The following PNPLA7 variants were observed in gnomAD, a reference collection of about 807,000 sequenced individuals.
PNPLA7 encodes the protein patatin-like phospholipase domain-containing protein 7.
Under a neutral mutation model 161.7 loss-of-function variants are expected in PNPLA7, and 153 were observed. The observed-to-expected ratio is 0.95, with a 90% CI of 0.83 to 1.08. PNPLA7 has a LOEUF of 1.08. Ranked by LOEUF, PNPLA7 falls within the 50% of genes least tolerant of loss-of-function variation. The pLI, the probability that PNPLA7 is intolerant of heterozygous loss-of-function variation, is 0.00. For synonymous variants in PNPLA7, 809 were observed against 782.1 expected (o/e 1.03, Z -0.57); for missense variants, 1,739 against 1,856.6 (o/e 0.94, Z 1.16).
At chr9:137,510,693 C>T (rs746390182) in intron 12 of PNPLA7, among the ~76,000 whole-genome samples, 2 of 152,180 alleles carry the variant, frequency 1.3e-5, no homozygotes, top group East Asian at 3.9e-4. Context: ...ATCTCTTTGT[C>T]TTGTGTCTTT....
chr9:137,496,537 C>T (rs1272764558), intron 18 of PNPLA7, among the ~76,000 whole-genome samples: 1 of 151,922 alleles, frequency 6.6e-6, no homozygotes, highest in Non-Finnish European at 1.5e-5. Flanking sequence ...CATGGAGAAA[C>T]CCCATCTCTA....
chr9:137,476,001 A>G lies in PNPLA7; in HGVS notation c.2882+2033T>C, dbSNP rs1831931591. On this transcript the variant is annotated intron_variant, in intron 25 of 34. Coordinates refer to ENST00000406427, the MANE Select transcript of PNPLA7 (RefSeq NM_001098537.3). The surrounding 1 kb of genome is among the most constrained non-coding windows in gnomAD (Gnocchi z 4.5). ...TGAGGAATAAACCAATAAAGAAGACATGAAATTACAGGAAATGGAATTGAA... is the reference window on the plus strand; with the variant it reads ...TGAGGAATAAACCAATAAAGAAGACGTGAAATTACAGGAAATGGAATTGAA... Among the ~76,000 whole-genome samples, 1 of 152,256 alleles carries G rather than the reference A, an allele frequency of 6.6e-6. No individual in the cohort carries two copies. The highest frequency in any genetic ancestry group is 1.5e-5 in the Non-Finnish European group (1 of 68,042).
At chr9:137,532,542 C>T (rs1259718952) in intron 8 of PNPLA7, among the ~76,000 whole-genome samples, 3 of 152,186 alleles carry the variant, frequency 2.0e-5, no homozygotes, top group African/African-American at 7.2e-5. Flanking sequence ...AGGATAAAGA[C>T]AAAAGCTAAG....
Position 137,522,407 on chromosome 9 carries a change from G to A in PNPLA7, c.876+322C>T, listed in dbSNP as rs907322573. On this transcript the variant is annotated intron_variant, in intron 9 of 34. Transcript: ENST00000406427. ...GGGTTTCACCGTGTGAGCCAGGATG[G>A]TCTCGATCTCCTGACCTCGTGATCC... 3.3e-5 allele frequency among the ~76,000 whole-genome samples: 5 copies of A among 151,308 alleles called. No homozygotes were observed. The East Asian group carries it at 7.9e-4, about 24-fold the overall frequency.
intron 12 of PNPLA7, among the ~76,000 whole-genome samples, chr9:137,509,991 G>A (rs1485266262): frequency 6.6e-6 from 1 of 152,178 alleles, no homozygotes; most frequent in South Asian, 2.1e-4. Context: ...TACAGAGATA[G>A]GAGCTGAGGG....
intron 12 of PNPLA7, 48 bp downstream of exon 12, chr9:137,515,331 C>T (rs758181324): frequency 1.9e-5 from 30 of 1,577,498 alleles, no homozygotes; most frequent in Middle Eastern, 1.7e-4. Context: ...TCTCAGATGC[C>T]GAGGGCCTGT....
intron 8 of PNPLA7, among the ~76,000 whole-genome samples, chr9:137,529,298 C>G (rs1165587378): frequency 6.6e-6 from 1 of 152,106 alleles, no homozygotes; most frequent in Non-Finnish European, 1.5e-5. Flanking sequence ...CCCAGGCCAA[C>G]CTTCTGTTTT....
In PNPLA7 at chr9:137,547,270, C is replaced by A. The variant is rs940198574; in HGVS notation, c.193+39G>T. ...ACATCCCAAGACACCCACGCTTTCC[C>A]CCAACCCCCCGGGCCAGAGTCGGAA... On this transcript the variant is annotated intron_variant, in intron 3 of 34. Transcript: ENST00000406427. This position sits in a 1 kb window ranked among gnomAD's most constrained non-coding sequence, Gnocchi z 4.6. 6.3e-7 allele frequency: 1 copy of A among 1,597,940 alleles called. No individual in the cohort carries two copies. Among genetic ancestry groups the A allele is most frequent in the Non-Finnish European group, 8.6e-7 (1 of 1,166,156 alleles).
rs1171162024 is a variant in PNPLA7, at chr9:137,460,666, G to C, written c.3913C>G (p.Gln1305Glu). ...DVPRDAYADFQSTSAQQGSDL... is the reference protein window; with the variant it reads ...DVPRDAYADFESTSAQQGSDL... Reference sequence around the variant, plus strand: ...GAGCCCTGCTGGGCTGAGGTGCTCTGGAAGTCTGCGTATGCATCCCTGGGG... The same window carrying C: ...GAGCCCTGCTGGGCTGAGGTGCTCTCGAAGTCTGCGTATGCATCCCTGGGG... The change falls in exon 34 of 35, where the codon CAG becomes GAG. Residue 1305 changes from glutamine to glutamate, a missense_variant. Gln to Glu is a conservative substitution (Grantham distance 29). Around this residue, in one of 6 missense-constraint regions of PNPLA7, gnomAD observed 703 missense variants for 694.6 expected, o/e 1.01. Transcript: ENST00000406427. The C allele has an allele frequency of 6.2e-7, 1 of 1,612,810 alleles. No homozygotes were observed. Among genetic ancestry groups the C allele is most frequent in the Admixed American group, 1.7e-5 (1 of 60,010 alleles).
intron 20 of PNPLA7, among the ~76,000 whole-genome samples, chr9:137,485,079 C>T (rs1215369327): frequency 6.6e-6 from 1 of 152,230 alleles, no homozygotes; most frequent in African/African-American, 2.4e-5. Flanking sequence ...CTTCTCCAGG[C>T]CGGAGGCTGT....
In PNPLA7 at chr9:137,500,998, AC is replaced by A; in HGVS notation, c.1552-103del. 3 of 1,048,368 alleles carry A rather than the reference AC, an allele frequency of 2.9e-6. No individual in the cohort carries two copies. The highest frequency in any genetic ancestry group is 4.1e-6 in the Non-Finnish European group (3 of 728,052). The allele number at this position is 1,048,368 out of a possible 1,614,324, so 64.9% of individuals were successfully genotyped here. A position where few individuals can be genotyped will look rare whatever the true frequency, so the allele number is the denominator to read the frequency against. On this transcript the variant is annotated intron_variant, in intron 15 of 34. Transcript: ENST00000406427. The surrounding 1 kb of genome is among the most constrained non-coding windows in gnomAD (Gnocchi z 5.5). ...CGATGCCACCAGGCTCAGCCGGGAGACCATCCGCCGACCTGATCAGCTCTGG... is the reference window on the plus strand; with the variant it reads ...CGATGCCACCAGGCTCAGCCGGGAGACATCCGCCGACCTGATCAGCTCTGG...
intron 4 of PNPLA7, among the ~76,000 whole-genome samples, chr9:137,544,301 C>T (rs1836368614): frequency 6.6e-6 from 1 of 152,222 alleles, no homozygotes; most frequent in Admixed American, 6.5e-5. Context: ...ATAGCAGTGG[C>T]CTGGGTCACA....
chr9:137,505,905 C>A, intron 13 of PNPLA7, 78 bp downstream of exon 13: 1 of 1,527,092 alleles, frequency 6.5e-7, no homozygotes, highest in East Asian at 2.3e-5. Context: ...CCAAAGCCGG[C>A]GGCGCCCCCA....
At chr9:137,535,415 A>C (rs1170226674) in intron 8 of PNPLA7, among the ~76,000 whole-genome samples, 1 of 152,202 alleles carries the variant, frequency 6.6e-6, no homozygotes, top group African/African-American at 2.4e-5. Context: ...TAAGAACAAG[A>C]TAATTTTTAA....
intron 15 of PNPLA7, 116 bp from the exon 16 acceptor site, chr9:137,501,012 T>A: frequency 1.2e-6 from 1 of 833,518 alleles, no homozygotes; most frequent in Non-Finnish European, 1.8e-6. Context: ...TCCGCCGACC[T>A]GATCAGCTCT....
chr9:137,546,396 A>G (rs922805278), intron 4 of PNPLA7, among the ~76,000 whole-genome samples: 1 of 152,022 alleles, frequency 6.6e-6, no homozygotes, highest in Non-Finnish European at 1.5e-5. Flanking sequence ...AGTGGTCCCC[A>G]GGACCCAGCT....
chr9:137,534,163 G>A (rs1323700475), intron 8 of PNPLA7, among the ~76,000 whole-genome samples: 2 of 148,012 alleles, frequency 1.4e-5, no homozygotes, highest in African/African-American at 5.1e-5. Flanking sequence ...GTCCACTCCA[G>A]ACGGGAGCAC....
At chr9:137,482,896 G>A (rs950905318) in intron 21 of PNPLA7, among the ~76,000 whole-genome samples, 2 of 152,124 alleles carry the variant, frequency 1.3e-5, no homozygotes, top group African/African-American at 4.8e-5. Flanking sequence ...GTTTTGACAC[G>A]GAGTCTTACT....
Position 137,522,748 on chromosome 9 carries a change from G to T in PNPLA7, c.857C>A (p.Thr286Asn). ...ACTCACCTGCACCACCCTCACCAGA[G>T]TTTCCGGATATTTCTCAAAAACTCC... ...FHGVFEKYPETLVRVVQIIMV... is the reference protein window; with the variant it reads ...FHGVFEKYPENLVRVVQIIMV... Residue 286 changes from threonine to asparagine, a missense_variant, in exon 9 of 35, where the codon ACT (threonine) becomes AAT (asparagine). Physicochemically the swap from Thr to Asn is moderately conservative, Grantham distance 65. Transcript: ENST00000406427. The T allele has an allele frequency of 6.2e-7, 1 of 1,613,680 alleles. No homozygotes were observed. Among genetic ancestry groups the T allele is most frequent in the Non-Finnish European group, 8.5e-7 (1 of 1,179,894 alleles).
Sources: allele counts gnomAD v4.1 joint callset (sites outside exome capture counted in the v4.1 genomes callset), GRCh38; gene constraint gnomAD v4.1.1; regional missense constraint gnomAD v4.1.1; non-coding constraint Gnocchi (gnomAD v3.1); transcripts MANE v1.5; gene names NCBI Gene and HGNC (gene_info 2026-07-23, HGNC 2026-07-21).